The following LARGE1 variants were observed in gnomAD, a reference collection of about 807,000 sequenced individuals.
LARGE1 encodes the protein LARGE xylosyl- and glucuronyltransferase 1.
Under a neutral mutation model 87.6 loss-of-function variants are expected in LARGE1, and 43 were observed. The observed-to-expected ratio is 0.49, with a 90% CI of 0.38 to 0.63. LARGE1 has a LOEUF of 0.63. Ranked by LOEUF, LARGE1 falls within the 30% of genes least tolerant of loss-of-function variation. LARGE1 has a pLI of 0.00. For synonymous variants in LARGE1, 434 were observed against 394.6 expected, an observed-to-expected ratio of 1.10 and a Z score of -1.18; for missense variants, 802 against 1,000.2, an observed-to-expected ratio of 0.80 and a Z score of 2.67.
chr22:33,681,022 T>C (rs1207776442), intron 2 of LARGE1, among the ~76,000 whole-genome samples: 1 of 150,156 alleles, frequency 6.7e-6, no homozygotes, highest in Non-Finnish European at 1.5e-5. Flanking sequence ...TCGCCACTTA[T>C]TTTTTTCTTG....
chr22:33,390,189 C>A (rs2065468939), intron 7 of LARGE1, among the ~76,000 whole-genome samples: 1 of 152,216 alleles, frequency 6.6e-6, no homozygotes, highest in Admixed American at 6.5e-5. Flanking sequence ...ATACCACTCT[C>A]TGTACCCCGA....
chr22:33,219,709 G>T (rs1035018079), intron 11 of LARGE1, among the ~76,000 whole-genome samples: 1 of 152,170 alleles, frequency 6.6e-6, no homozygotes, highest in African/African-American at 2.4e-5. Context: ...AGTCAGAAAG[G>T]TGTTCAACCA....
chr22:33,298,484 GAAGTT>G (rs1933668784), intron 12 of LARGE1, among the ~76,000 whole-genome samples: 1 of 152,224 alleles, frequency 6.6e-6, no homozygotes, highest in South Asian at 2.1e-4. Context: ...ACAAGTTAGA[GAAGTT>G]AAGTGCCTTT....
chr22:33,890,169 G>C (rs753472279), intron 1 of LARGE1, among the ~76,000 whole-genome samples: 1 of 152,228 alleles, frequency 6.6e-6, no homozygotes. Context: ...TACAGCTTCA[G>C]GGTTAAGCGC....
rs1928524464 is a variant in LARGE1, at chr22:33,273,413, G to C, written c.*1014C>G. 2.5e-6 allele frequency: 1 copy of C among 398,554 alleles called. No homozygotes were observed. The highest frequency in any genetic ancestry group is 1.3e-4 in the South Asian group (1 of 7,848). 24.7% of individuals were successfully genotyped at this position (398,554 alleles called of 1,614,324 possible). On this transcript the variant is annotated 3_prime_UTR_variant, in exon 15 of 15. Coordinates refer to ENST00000397394, the MANE Select transcript of LARGE1 (RefSeq NM_133642.5). ...GATGGATACGTGAATCTTCAGAACT[G>C]GGCTTTCATGAATTATGAAAGTTCT... is the stretch of plus-strand genomic sequence containing the variant.
intron 1 of LARGE1, among the ~76,000 whole-genome samples, chr22:33,897,594 G>C (rs1005732380): frequency 2.0e-5 from 3 of 152,156 alleles, no homozygotes; most frequent in Admixed American, 2.0e-4. Context: ...AATCAGAGGG[G>C]GAATGCCAAT....
intron 6 of LARGE1, among the ~76,000 whole-genome samples, chr22:33,510,230 C>A (rs1478250178): frequency 1.3e-5 from 2 of 152,192 alleles, no homozygotes; most frequent in Non-Finnish European, 2.9e-5. Context: ...CCTGCAGCCA[C>A]CTTGTAAGGG....
chr22:33,109,805 C>G, the LARGE1 span, among the ~76,000 whole-genome samples: 354 of 152,184 alleles, frequency 2.3e-3, 4 homozygotes, highest in African/African-American at 8.2e-3. Context: ...TTTAAAGGAG[C>G]CTGGCATCTC....
chr22:33,828,051 G>A (rs530141449), intron 1 of LARGE1, among the ~76,000 whole-genome samples: 3 of 152,216 alleles, frequency 2.0e-5, no homozygotes, highest in Admixed American at 6.5e-5. Context: ...GGGCAGATGA[G>A]AAGAAATGAG....
At chr22:33,433,595 C>CA (rs1336737863) in intron 6 of LARGE1, among the ~76,000 whole-genome samples, 1 of 39,768 alleles carries the variant, frequency 2.5e-5, no homozygotes, top group East Asian at 8.7e-4. Flanking sequence ...GACTCCGTCT[C>CA]AAAAAACAAA....
At chr22:33,425,384 C>A (rs114593063) in intron 7 of LARGE1, among the ~76,000 whole-genome samples, 1,904 of 152,320 alleles carry the variant, frequency 0.013, 42 homozygotes, top group African/African-American at 0.044. Context: ...CCTCACCACA[C>A]ACTAGAATGG....
chr22:33,761,470 C>T lies in LARGE1; in HGVS notation c.7G>A (p.Gly3Arg). The T allele has an allele frequency of 5.0e-6, 8 of 1,613,546 alleles. No homozygotes were observed. Among genetic ancestry groups the T allele is most frequent in the East Asian group, 2.2e-5 (1 of 44,816 alleles). ML[G>R]ICRGRRKFLA... ...AATTTCCGTCTCCCCCTGCAGATTC[C>T]CAGCATCCTCTCAGAAGTGGCAATC... The change falls in exon 2 of 15, where the codon GGA (glycine) becomes AGA (arginine). Residue 3 changes from glycine (G) to arginine (R), a missense_variant. Coordinates refer to ENST00000397394, the MANE Select transcript of LARGE1 (RefSeq NM_133642.5).
chr22:33,656,174 G>A (rs2080955163), intron 2 of LARGE1, among the ~76,000 whole-genome samples: 1 of 152,116 alleles, frequency 6.6e-6, no homozygotes, highest in African/African-American at 2.4e-5. Flanking sequence ...ACATAGCCGA[G>A]ACTGGGTAAT....
intron 6 of LARGE1, among the ~76,000 whole-genome samples, chr22:33,530,136 A>C (rs1331192423): frequency 2.0e-5 from 3 of 152,228 alleles, no homozygotes; most frequent in Non-Finnish European, 4.4e-5. Context: ...GACTTCTGGG[A>C]AGAAGGGATT....
chr22:33,606,736 G>C (rs1022016289), intron 4 of LARGE1, among the ~76,000 whole-genome samples: 1 of 152,124 alleles, frequency 6.6e-6, no homozygotes, highest in African/African-American at 2.4e-5. Context: ...TGGTGAGTCA[G>C]ACATACCCAC....
In LARGE1 at chr22:33,703,468, G is replaced by A. The variant is rs147186851; in HGVS notation, c.107-52800C>T. ...AATTCCTGAAATTTGTGAGTATCAC[G>A]TTACATAACAAAAAAGGACTTTGTA... On this transcript the variant is annotated intron_variant, in intron 2 of 14. Coordinates refer to ENST00000397394, the MANE Select transcript of LARGE1 (RefSeq NM_133642.5). 1.2e-3 allele frequency among the ~76,000 whole-genome samples: 185 copies of A among 152,196 alleles called. 1 individual carries two copies. The highest frequency in any genetic ancestry group is 1.9e-3 in the Non-Finnish European group (127 of 68,014).
intron 6 of LARGE1, among the ~76,000 whole-genome samples, chr22:33,449,944 C>A (rs2067844297): frequency 6.6e-6 from 1 of 151,598 alleles, no homozygotes; most frequent in Non-Finnish European, 1.5e-5. Flanking sequence ...AGAAGTCTTG[C>A]TCTGTTGCCC....
chr22:33,533,824 T>A (rs1188043140), intron 6 of LARGE1, among the ~76,000 whole-genome samples: 1 of 152,128 alleles, frequency 6.6e-6, no homozygotes, highest in Non-Finnish European at 1.5e-5. Context: ...AAAAAAAATG[T>A]AGGATCTTGT....
the LARGE1 span, among the ~76,000 whole-genome samples, chr22:33,097,747 T>C: frequency 6.6e-6 from 1 of 152,190 alleles, no homozygotes; most frequent in Non-Finnish European, 1.5e-5. Flanking sequence ...AAGAGGAAAG[T>C]GGTTGTACTT....
Sources: gnomAD v4.1 joint callset for allele counts (sites outside exome capture counted in the v4.1 genomes callset) on GRCh38, gnomAD v4.1.1 for gene constraint, MANE v1.5 for transcripts, NCBI Gene and HGNC (gene_info 2026-07-23, HGNC 2026-07-21) for gene names.